The following MARK4 variants were observed in gnomAD, a reference collection of about 807,000 sequenced individuals.
The protein encoded by MARK4 is microtubule affinity regulating kinase 4, also known as MAP/microtubule affinity-regulating kinase 4.
Under a neutral mutation model 81.5 loss-of-function variants are expected in MARK4, and 19 were observed. The observed-to-expected ratio is 0.23, with a 90% CI of 0.16 to 0.34. MARK4 has a LOEUF of 0.34. Ranked by LOEUF, MARK4 falls within the 10% of genes least tolerant of loss-of-function variation. The pLI, the probability that MARK4 is intolerant of heterozygous loss-of-function variation, is 1.00. For missense variants in MARK4, 772 were observed against 1,058.8 expected (o/e 0.73, Z 3.76); for synonymous variants, 436 against 439.0 (o/e 0.99, Z 0.08).
In MARK4 at chr19:45,251,636, C is replaced by A. The variant is rs1198664288; in HGVS notation, c.48C>A (p.Asp16Glu). 2.0e-6 allele frequency: 3 copies of A among 1,503,596 alleles called. No homozygotes were observed. Among genetic ancestry groups the A allele is most frequent in the South Asian group, 2.5e-5 (2 of 78,568 alleles). The allele number at this position is 1,503,596 out of a possible 1,614,324, so 93.1% of individuals were successfully genotyped here. The change falls in exon 1 of 17, where the codon GAC becomes GAA. Residue 16 changes from aspartate (D) to glutamate (E), a missense_variant. Physicochemically the swap from Asp to Glu is conservative, Grantham distance 45. This residue lies in a region of MARK4 where 115 missense variants were observed against 139.8 expected (regional missense o/e 0.82). Transcript: ENST00000262891. ...VLAPGNDRNS[D>E]THGTLGSGRS... ...CCCCGGGCAACGATCGGAACTCGGA[C>A]ACGGTGAGTGGGGCCCGGCCCCTTG...
At chr19:45,298,351 T>C (rs1479806477) in intron 15 of MARK4, 15 of 997,174 alleles carry the variant, frequency 1.5e-5, no homozygotes, top group Non-Finnish European at 2.3e-5. Flanking sequence ...GTTGTTCATT[T>C]ACTCACAGAA....
chr19:45,259,137 A>G lies in MARK4; in HGVS notation c.200A>G (p.Lys67Arg). The G allele has an allele frequency of 6.2e-7, 1 of 1,614,164 alleles. No homozygotes were observed. Among genetic ancestry groups the G allele is most frequent in the Non-Finnish European group, 8.5e-7 (1 of 1,180,024 alleles). ...GNYRLLRTIG[K>R]GNFAKVKLAR... ...TACCGCCTGCTGAGGACCATTGGGA[A>G]GGGCAACTTTGCCAAAGTCAAGCTG... Residue 67 changes from lysine (K) to arginine (R), a missense_variant, in exon 2 of 17, where the codon AAG becomes AGG. Coordinates refer to ENST00000262891, the MANE Select transcript of MARK4 (RefSeq NM_001199867.2).
intron 14 of MARK4, among the ~76,000 whole-genome samples, 199 bp downstream of exon 14, chr19:45,294,651 C>A (rs1461504524): frequency 1.3e-5 from 2 of 152,170 alleles, no homozygotes; most frequent in Admixed American, 1.3e-4. Flanking sequence ...TCTTAAGCAC[C>A]AGGAAAGCAG....
rs1970902210 is a variant in MARK4, at chr19:45,297,541, T to G, written c.1599-135T>G. On this transcript the variant is annotated intron_variant, in intron 14 of 16. Transcript: ENST00000262891. ...GTATAGTGCACAGCCTGCACAACTG[T>G]ACGTTGCAGCCCTGTCTCTGAGTTC... The G allele has an allele frequency of 5.0e-6, 3 of 600,332 alleles. No homozygotes were observed. The East Asian group carries it at 8.4e-5, about 17-fold the overall frequency. The allele number at this position is 600,332 out of a possible 1,614,324, so 37.2% of individuals were successfully genotyped here.
At chr19:45,287,882 CAAA>C (rs756628120) in intron 13 of MARK4, 10 of 619,224 alleles carry the variant, frequency 1.6e-5, no homozygotes, top group South Asian at 1.8e-5. Flanking sequence ...TGTTCTGTGT[CAAA>C]GAAGTGCAGA....
intron 13 of MARK4, among the ~76,000 whole-genome samples, chr19:45,292,069 G>T (rs1223779685): frequency 6.6e-6 from 1 of 152,330 alleles, no homozygotes; most frequent in East Asian, 1.9e-4. Context: ...TCTGGGAAAT[G>T]TAGGACTTGG....
chr19:45,280,327 T>C (rs1043374131), intron 10 of MARK4, 47 bp from the exon 11 acceptor site: 1 of 1,532,306 alleles, frequency 6.5e-7, no homozygotes, highest in Non-Finnish European at 9.0e-7. Context: ...TGGATGGAAG[T>C]TAAAGTTTCT....
chr19:45,265,730 G>A (rs1297072708), intron 6 of MARK4, among the ~76,000 whole-genome samples: 12 of 146,282 alleles, frequency 8.2e-5, no homozygotes, highest in East Asian at 2.1e-4. Flanking sequence ...GAAGATGTGC[G>A]TGTGTGAGGG....
chr19:45,277,448 T>G (rs977463517), intron 8 of MARK4, among the ~76,000 whole-genome samples: 5 of 151,158 alleles, frequency 3.3e-5, no homozygotes, highest in Non-Finnish European at 5.9e-5. Flanking sequence ...TTTTTTTTTT[T>G]TTTTGTAGAG....
At chr19:45,298,078 T>C in intron 15 of MARK4, 124 bp downstream of exon 15, 1 of 1,428,590 alleles carries the variant, frequency 7.0e-7, no homozygotes, top group Admixed American at 1.8e-5. Flanking sequence ...CTCCTCCTCG[T>C]TTCCTCCTCC....
At chr19:45,294,140 C>T (rs1970854508) in intron 13 of MARK4, among the ~76,000 whole-genome samples, 1 of 152,142 alleles carries the variant, frequency 6.6e-6, no homozygotes, top group Non-Finnish European at 1.5e-5. Context: ...TCTCCGGTCT[C>T]CAGGGGTCTC....
chr19:45,258,309 A>G (rs1970335689), intron 1 of MARK4, among the ~76,000 whole-genome samples: 1 of 152,166 alleles, frequency 6.6e-6, no homozygotes, highest in Non-Finnish European at 1.5e-5. Context: ...TTTTATATGC[A>G]CTGGGAATCC....
intron 13 of MARK4, among the ~76,000 whole-genome samples, chr19:45,290,629 A>C (rs907416352): frequency 2.6e-4 from 40 of 152,192 alleles, no homozygotes; most frequent in Admixed American, 2.6e-3. Context: ...ATTACCACTT[A>C]TGACCAGCTT....
intron 12 of MARK4, 57 bp downstream of exon 12, chr19:45,280,791 C>A (rs1184544503): frequency 6.3e-7 from 1 of 1,594,432 alleles, no homozygotes; most frequent in East Asian, 2.2e-5. Context: ...CCCAGACTTA[C>A]AGTTACGTCA....
At chr19:45,298,055 C>G (rs941128658) in intron 15 of MARK4, 101 bp downstream of exon 15, 1 of 1,556,774 alleles carries the variant, frequency 6.4e-7, no homozygotes, top group African/African-American at 1.4e-5. Flanking sequence ...AACATTTCCT[C>G]TTCCTCCTCC....
At chr19:45,274,561 G>A (rs1393408948) in intron 8 of MARK4, among the ~76,000 whole-genome samples, 1 of 151,718 alleles carries the variant, frequency 6.6e-6, no homozygotes, top group Non-Finnish European at 1.5e-5. Context: ...AACCAGGGAG[G>A]CAGAGGTTGT....
chr19:45,271,848 C>A lies in MARK4; in HGVS notation c.786+140C>A. 1 of 814,996 alleles carries A rather than the reference C, an allele frequency of 1.2e-6. No individual in the cohort carries two copies. Among genetic ancestry groups the A allele is most frequent in the Non-Finnish European group, 1.9e-6 (1 of 514,978 alleles). The allele number at this position is 814,996 out of a possible 1,614,324, so 50.5% of individuals were successfully genotyped here. Reference sequence around the variant, plus strand: ...GGGAAGATGGGGGATGGGCAGGATTCAAGTCCCCTCTGCAGTGAGGCCAGC... The same window carrying A: ...GGGAAGATGGGGGATGGGCAGGATTAAAGTCCCCTCTGCAGTGAGGCCAGC... On this transcript the variant is annotated intron_variant, in intron 8 of 16. Transcript: ENST00000262891. The surrounding 1 kb of genome is among the most constrained non-coding windows in gnomAD (Gnocchi z 4.1).
intron 9 of MARK4, 92 bp downstream of exon 9, chr19:45,278,134 C>T: frequency 6.5e-7 from 1 of 1,544,074 alleles, no homozygotes; most frequent in Non-Finnish European, 8.8e-7. Context: ...CTTCTTGACA[C>T]ACTTTTCCTC....
rs1318274637 is a variant in MARK4, at chr19:45,305,003, G to A, written c.*2293G>A. ...TGGGGGAGCCATGGCAAGGTTGTAG[G>A]TAGGGTAGAGATGGGCGGGTTTGTG... On this transcript the variant is annotated 3_prime_UTR_variant, in exon 17 of 17. Coordinates refer to ENST00000262891, the MANE Select transcript of MARK4 (RefSeq NM_001199867.2). The A allele has an allele frequency of 6.6e-6, 1 of 152,528 alleles. No individual in the cohort carries two copies. The highest frequency in any genetic ancestry group is 2.4e-5 in the African/African-American group (1 of 41,468). The allele number at this position is 152,528 out of a possible 1,614,324, so 9.4% of individuals were successfully genotyped here. A position where few individuals can be genotyped will look rare whatever the true frequency, so the allele number is the denominator to read the frequency against.
Sources: allele counts gnomAD v4.1 joint callset (sites outside exome capture counted in the v4.1 genomes callset), GRCh38; gene constraint gnomAD v4.1.1; regional missense constraint gnomAD v4.1.1; non-coding constraint Gnocchi (gnomAD v3.1); transcripts MANE v1.5; gene names NCBI Gene and HGNC (gene_info 2026-07-23, HGNC 2026-07-21).